The following PTPRT variants were observed in gnomAD, a reference collection of about 807,000 sequenced individuals.
PTPRT encodes receptor-type tyrosine-protein phosphatase T.
In PTPRT, 56 loss-of-function variants were observed where a neutral mutation model predicts 176.8. The observed-to-expected ratio is 0.32, with a 90% confidence interval of 0.26 to 0.40. The LOEUF (loss-of-function observed/expected upper bound fraction) is 0.40, where lower values mean the gene tolerates loss of function less well. PTPRT is among the 10% of genes least tolerant of loss of function. The probability of loss-of-function intolerance (pLI) is 1.00; values close to 1 mark genes in which losing one functional copy is unlikely to be tolerated. For synonymous variants in PTPRT, 783 were observed against 739.0 expected (o/e 1.06, Z -0.96); for missense variants, 1,540 against 1,908.2 (o/e 0.81, Z 3.60).
Position 43,161,695 on chromosome 20 carries a change from A to G in PTPRT, c.88+27951T>C, listed in dbSNP as rs574906656. Among the ~76,000 whole-genome samples, 3 of 151,708 alleles carry G rather than the reference A, an allele frequency of 2.0e-5. No individual in the cohort carries two copies. In the East Asian group the frequency reaches 5.8e-4, roughly 29 times the overall value. On this transcript the variant is annotated intron_variant, in intron 1 of 30. Coordinates refer to ENST00000373187, the MANE Select transcript of PTPRT (RefSeq NM_007050.6). ...CACAACTGAAAGCTGGCTGTTCCTG[A>G]TTTTTTTTTAAAAGCACCTTTTCCC...
chr20:42,467,616 T>C (rs2071121738), intron 8 of PTPRT, among the ~76,000 whole-genome samples: 2 of 152,220 alleles, frequency 1.3e-5, no homozygotes, highest in Non-Finnish European at 2.9e-5. Flanking sequence ...TCTTGTATGC[T>C]AATTGGTTTA....
At chr20:42,704,298 T>G (rs2076018040) in intron 6 of PTPRT, among the ~76,000 whole-genome samples, 1 of 152,036 alleles carries the variant, frequency 6.6e-6, no homozygotes, top group African/African-American at 2.4e-5. Flanking sequence ...CCCAAATCCC[T>G]TAACACTGTC....
At chr20:42,348,044 A>T (rs183531382) in intron 11 of PTPRT, among the ~76,000 whole-genome samples, 23 of 152,250 alleles carry the variant, frequency 1.5e-4, no homozygotes, top group Admixed American at 1.2e-3. Context: ...TAAACATACT[A>T]AGTGTTCAAT....
chr20:43,063,823 G>A (rs1339714850), intron 1 of PTPRT, among the ~76,000 whole-genome samples: 1 of 152,188 alleles, frequency 6.6e-6, no homozygotes, highest in Non-Finnish European at 1.5e-5. Flanking sequence ...CAAGTTCCCA[G>A]GTGTTAGGCT....
In PTPRT at chr20:43,189,817, G is replaced by A; in HGVS notation, c.-84C>T. The A allele has an allele frequency of 1.4e-6, 1 of 723,590 alleles. No homozygotes were observed. Among genetic ancestry groups the A allele is most frequent in the Non-Finnish European group, 1.7e-6 (1 of 588,564 alleles). The allele number at this position is 723,590 out of a possible 1,614,324, so 44.8% of individuals were successfully genotyped here. On this transcript the variant is annotated 5_prime_UTR_variant, in exon 1 of 31. Coordinates refer to ENST00000373187, the MANE Select transcript of PTPRT (RefSeq NM_007050.6). The surrounding 1 kb of genome is among the most constrained non-coding windows in gnomAD (Gnocchi z 5.0). ...GGGCGCGGGGTGGCCCCGCATCGCC[G>A]GCGCGGCCGCTGGCTGTGCGCGCGG...
At chr20:42,537,776 A>G (rs1324915940) in intron 7 of PTPRT, among the ~76,000 whole-genome samples, 2 of 152,340 alleles carry the variant, frequency 1.3e-5, no homozygotes, top group East Asian at 1.9e-4. Flanking sequence ...ACAGAGCAAC[A>G]TGTACTTACA....
the PTPRT span, among the ~76,000 whole-genome samples, chr20:42,038,761 A>G: frequency 6.6e-6 from 1 of 152,164 alleles, no homozygotes; most frequent in Non-Finnish European, 1.5e-5. Flanking sequence ...GTAGCAAGAG[A>G]GTGGGAGCCA....
intron 1 of PTPRT, among the ~76,000 whole-genome samples, chr20:43,058,212 AG>A (rs1252577325): frequency 6.6e-6 from 1 of 152,280 alleles, no homozygotes; most frequent in East Asian, 1.9e-4. Flanking sequence ...TAATAAAAAA[AG>A]TAAGAGGGGA....
intron 23 of PTPRT, among the ~76,000 whole-genome samples, chr20:42,109,070 T>TTAC (rs1986783792): frequency 6.6e-6 from 1 of 151,796 alleles, no homozygotes; most frequent in African/African-American, 2.4e-5. Flanking sequence ...ATGCAAAACA[T>TTAC]TTAGAGAGTC....
chr20:42,840,057 A>T (rs1225680068), intron 2 of PTPRT, among the ~76,000 whole-genome samples: 1 of 152,162 alleles, frequency 6.6e-6, no homozygotes, highest in Non-Finnish European at 1.5e-5. Flanking sequence ...GTTTCATACT[A>T]TTGGGGGCCA....
chr20:42,505,725 C>G (rs949999387), intron 7 of PTPRT, among the ~76,000 whole-genome samples: 2 of 152,108 alleles, frequency 1.3e-5, no homozygotes, highest in African/African-American at 4.8e-5. Context: ...GAACTACTGG[C>G]TTAAATGTGA....
At chr20:42,175,507 G>A (rs1990253854) in intron 16 of PTPRT, among the ~76,000 whole-genome samples, 1 of 152,186 alleles carries the variant, frequency 6.6e-6, no homozygotes, top group Non-Finnish European at 1.5e-5. Context: ...AATGAATGGT[G>A]GTTACCAATT....
chr20:43,181,171 C>A (rs1600777392), intron 1 of PTPRT, among the ~76,000 whole-genome samples: 1 of 152,318 alleles, frequency 6.6e-6, no homozygotes, highest in East Asian at 1.9e-4. Context: ...ATCCCGCCAA[C>A]AGCCACGGAA....
At chr20:42,278,832 A>C (rs2057091808) in intron 13 of PTPRT, among the ~76,000 whole-genome samples, 1 of 151,966 alleles carries the variant, frequency 6.6e-6, no homozygotes, top group African/African-American at 2.4e-5. Context: ...AGCACCTCTG[A>C]AGTCTAAGTC....
chr20:42,144,120 A>G (rs556829198), intron 17 of PTPRT, among the ~76,000 whole-genome samples: 64 of 152,276 alleles, frequency 4.2e-4, no homozygotes, highest in African/African-American at 1.5e-3. Context: ...GGATGTGTGC[A>G]GGGCACCATC....
At chr20:42,639,865 T>A (rs990064532) in intron 7 of PTPRT, among the ~76,000 whole-genome samples, 1 of 152,150 alleles carries the variant, frequency 6.6e-6, no homozygotes, top group African/African-American at 2.4e-5. Flanking sequence ...CCTGTCTTTT[T>A]ACTCTGGCCA....
chr20:42,996,529 C>G (rs953146192), intron 1 of PTPRT, among the ~76,000 whole-genome samples: 2 of 152,290 alleles, frequency 1.3e-5, no homozygotes, highest in Non-Finnish European at 2.9e-5. Flanking sequence ...TGATGGTATG[C>G]AAGGTTGGAT....
At chr20:42,341,135 A>C (rs977079822) in intron 11 of PTPRT, among the ~76,000 whole-genome samples, 1 of 152,102 alleles carries the variant, frequency 6.6e-6, no homozygotes, top group Non-Finnish European at 1.5e-5. Context: ...ATATTTGATC[A>C]TCTTATTCTC....
At chr20:43,083,359 T>C (rs1295765297) in intron 1 of PTPRT, among the ~76,000 whole-genome samples, 6 of 126,770 alleles carry the variant, frequency 4.7e-5, no homozygotes, top group East Asian at 2.1e-4. Flanking sequence ...TATATATATA[T>C]ATATATATAT....
Sources: allele counts gnomAD v4.1 joint callset (sites outside exome capture counted in the v4.1 genomes callset), GRCh38; gene constraint gnomAD v4.1.1; non-coding constraint Gnocchi (gnomAD v3.1); transcripts MANE v1.5; gene names NCBI Gene and HGNC (gene_info 2026-07-23, HGNC 2026-07-21).